The following B3GALT1 variants were observed in gnomAD, a reference collection of about 807,000 sequenced individuals.
The protein encoded by B3GALT1 is beta-1,3-galactosyltransferase 1.
Under a neutral mutation model 23.2 loss-of-function variants are expected in B3GALT1, and 10 were observed. The ratio of observed to expected loss-of-function variants is 0.43; its 90% CI spans 0.27 to 0.73. B3GALT1 has a LOEUF of 0.73. B3GALT1 is among the 30% of genes least tolerant of loss of function. B3GALT1 has a pLI of 0.21. For synonymous variants in B3GALT1, 156 were observed against 141.5 expected (o/e 1.10, Z -0.73); for missense variants, 299 against 405.4 (o/e 0.74, Z 2.25).
chr2:167,520,620 C>G (rs1328087462), intron 2 of B3GALT1, among the ~76,000 whole-genome samples: 2 of 152,158 alleles, frequency 1.3e-5, no homozygotes, highest in Non-Finnish European at 2.9e-5. Flanking sequence ...GACTTTTGCT[C>G]TTGATTGGTT....
intron 2 of B3GALT1, among the ~76,000 whole-genome samples, chr2:167,612,611 T>G (rs969786435): frequency 1.3e-5 from 2 of 152,006 alleles, no homozygotes; most frequent in Middle Eastern, 3.4e-3. Context: ...ATTCCAACAT[T>G]TTTTTATTTG....
intron 2 of B3GALT1, among the ~76,000 whole-genome samples, chr2:167,591,014 A>C (rs1026540827): frequency 3.3e-5 from 5 of 152,180 alleles, no homozygotes; most frequent in African/African-American, 1.2e-4. Flanking sequence ...CACAATAGGC[A>C]CTGGAATTAT....
At chr2:167,712,477 G>T (rs770847569) in intron 3 of B3GALT1, among the ~76,000 whole-genome samples, 12 of 151,626 alleles carry the variant, frequency 7.9e-5, no homozygotes, top group Admixed American at 6.6e-4. Flanking sequence ...ATGGCAGCCT[G>T]GGGGGAAGCA....
chr2:167,841,194 T>C (rs939890656), intron 4 of B3GALT1, among the ~76,000 whole-genome samples: 17 of 124,140 alleles, frequency 1.4e-4, no homozygotes, highest in Admixed American at 8.1e-4. Flanking sequence ...AATAAATAAG[T>C]AAAAATAAAA....
At chr2:167,710,299 A>G (rs1315598903) in intron 3 of B3GALT1, among the ~76,000 whole-genome samples, 1 of 152,262 alleles carries the variant, frequency 6.6e-6, no homozygotes, top group Admixed American at 6.5e-5. Flanking sequence ...TGTATGGCTT[A>G]TGTACTCAAG....
chr2:167,645,734 A>G (rs911115547), intron 2 of B3GALT1, among the ~76,000 whole-genome samples: 4 of 151,402 alleles, frequency 2.6e-5, no homozygotes, highest in African/African-American at 9.7e-5. Context: ...TGCCTGGCTC[A>G]TTTCTTTTGT....
chr2:167,786,779 T>C (rs1258730231), intron 3 of B3GALT1, among the ~76,000 whole-genome samples: 1 of 152,214 alleles, frequency 6.6e-6, no homozygotes, highest in Non-Finnish European at 1.5e-5. Flanking sequence ...ACCCAGAAAG[T>C]ACTGAAGTAA....
chr2:167,498,348 A>G lies in B3GALT1; in HGVS notation c.-410+8071A>G, dbSNP rs73024036. Among the ~76,000 whole-genome samples, 971 of 152,132 alleles carry G rather than the reference A, an allele frequency of 6.4e-3. 11 individuals are homozygous for G. Among genetic ancestry groups the G allele is most frequent in the African/African-American group, 0.022 (927 of 41,478 alleles). ...CTGTCAATTGAGAGTCTCTTCAACA[A>G]CTCCTTATTGGATTTTTTTAAGTTC... On this transcript the variant is annotated intron_variant, in intron 2 of 4. Transcript: ENST00000392690.
intron 1 of B3GALT1, among the ~76,000 whole-genome samples, chr2:167,360,175 CTATTAA>C (rs1697477828): frequency 6.6e-6 from 1 of 151,930 alleles, no homozygotes. Context: ...GACATGTAAA[CTATTAA>C]TATTTATATA....
intron 3 of B3GALT1, among the ~76,000 whole-genome samples, chr2:167,673,285 TA>T (rs1686364784): frequency 6.6e-6 from 1 of 152,076 alleles, no homozygotes. Context: ...TCATAAACGA[TA>T]AACCAAAGCA....
intron 1 of B3GALT1, among the ~76,000 whole-genome samples, chr2:167,397,796 ACAT>A (rs1698120650): frequency 6.6e-6 from 1 of 152,108 alleles, no homozygotes; most frequent in South Asian, 2.1e-4. Flanking sequence ...CCACCTAAGA[ACAT>A]CATCATCAAT....
At chr2:167,845,022 CCTCTTAGGTAGACAA>C (rs1689726859) in intron 4 of B3GALT1, among the ~76,000 whole-genome samples, 1 of 152,106 alleles carries the variant, frequency 6.6e-6, no homozygotes, top group African/African-American at 2.4e-5. Context: ...CAGCCATAAT[CCTCTTAGGTAGACAA>C]CTCCAATGAC....
intron 2 of B3GALT1, among the ~76,000 whole-genome samples, chr2:167,535,422 T>C (rs1683399304): frequency 6.6e-6 from 1 of 152,132 alleles, no homozygotes; most frequent in African/African-American, 2.4e-5. Flanking sequence ...GCAATGTAAC[T>C]TCAGGAATAC....
chr2:167,449,162 A>G (rs1410124124), intron 1 of B3GALT1, among the ~76,000 whole-genome samples: 3 of 152,050 alleles, frequency 2.0e-5, no homozygotes, highest in African/African-American at 4.8e-5. Flanking sequence ...TGGGAATTGC[A>G]TTGAATCTGT....
intron 3 of B3GALT1, among the ~76,000 whole-genome samples, chr2:167,733,250 A>G (rs1206590856): frequency 1.3e-5 from 2 of 152,118 alleles, no homozygotes; most frequent in Non-Finnish European, 2.9e-5. Context: ...CGGGCTGTTT[A>G]GTTCCAGTGC....
intron 3 of B3GALT1, among the ~76,000 whole-genome samples, chr2:167,679,800 G>C (rs1223388783): frequency 6.6e-6 from 1 of 152,198 alleles, no homozygotes; most frequent in Non-Finnish European, 1.5e-5. Flanking sequence ...CTCAATGCCT[G>C]GCTCATAGTA....
chr2:167,667,296 C>T (rs1280879538), intron 3 of B3GALT1, among the ~76,000 whole-genome samples: 15 of 152,158 alleles, frequency 9.9e-5, no homozygotes, highest in South Asian at 4.1e-4. Flanking sequence ...TCTTCTGGCT[C>T]GTAGAGTTTC....
intron 1 of B3GALT1, among the ~76,000 whole-genome samples, chr2:167,406,507 G>A (rs554246651): frequency 9.1e-4 from 138 of 152,170 alleles, no homozygotes; most frequent in African/African-American, 3.2e-3. Flanking sequence ...TCTTCCCAGC[G>A]CCAAGCACAC....
intron 2 of B3GALT1, among the ~76,000 whole-genome samples, chr2:167,584,827 T>A (rs772459400): frequency 6.6e-5 from 10 of 152,200 alleles, no homozygotes; most frequent in African/African-American, 9.7e-5. Flanking sequence ...ACTTGCCCTC[T>A]CCAGTCACAC....
Sources: allele counts gnomAD v4.1 joint callset (sites outside exome capture counted in the v4.1 genomes callset), GRCh38; gene constraint gnomAD v4.1.1; transcripts MANE v1.5; gene names NCBI Gene and HGNC (gene_info 2026-07-23, HGNC 2026-07-21).